ZNF518A: variants seen among roughly 807,000 people sequenced by gnomAD.
ZNF518A encodes the protein zinc finger protein 518A, also known as zinc finger protein 518.
A neutral mutation model predicts 102.7 loss-of-function variants in ZNF518A; 47 were observed. The observed-to-expected ratio is 0.46, with a 90% CI of 0.36 to 0.58. The LOEUF (loss-of-function observed/expected upper bound fraction) is 0.58, where lower values mean the gene tolerates loss of function less well. Ranked by LOEUF, ZNF518A falls within the 20% of genes least tolerant of loss-of-function variation. The pLI, the probability that ZNF518A is intolerant of heterozygous loss-of-function variation, is 0.00. For missense variants in ZNF518A, 1,793 were observed against 1,699.8 expected, an observed-to-expected ratio of 1.05 and a Z score of -0.96; for synonymous variants, 652 against 594.6, an observed-to-expected ratio of 1.10 and a Z score of -1.40.
rs782161061 is a variant in ZNF518A at position 96,156,416 on chromosome 10, G to C, written c.94G>C (p.Ala32Pro). Residue 32 changes from alanine to proline, a missense_variant, in exon 6 of 6, where the codon GCA becomes CCA. By Grantham distance (27) the Ala-to-Pro change is conservative (BLOSUM62 -1). Around this residue, in one of 3 missense-constraint regions of ZNF518A, gnomAD observed 1,741 missense variants for 1,622.6 expected, o/e 1.07. Transcript: ENST00000316045. ...DVKNEIVDRS[A>P]PKPKISGSIH... The stretch of plus-strand genomic sequence containing the variant: ...GAAAAATGAGATAGTTGATAGGTCG[G>C]CACCTAAACCAAAAATTTCAGGAAG... 3 of 1,612,406 alleles carry C rather than the reference G, an allele frequency of 1.9e-6. No individual in the cohort carries two copies. Among genetic ancestry groups the C allele is most frequent in the Middle Eastern group, 1.7e-4 (1 of 6,054 alleles).
At chr10:96,137,225 G>A (rs587608533) in intron 3 of ZNF518A, among the ~76,000 whole-genome samples, 127 of 150,150 alleles carry the variant, frequency 8.5e-4, no homozygotes, top group Non-Finnish European at 1.5e-3. Flanking sequence ...TAACCTGAAG[G>A]ACTTCACTGC....
At position 96,159,830 on chromosome 10, in the gene ZNF518A, C is replaced by G. The variant is rs2082912081; in HGVS notation, c.3508C>G (p.Gln1170Glu). The G allele has an allele frequency of 6.2e-7, 1 of 1,613,298 alleles. No homozygotes were observed. Among genetic ancestry groups the G allele is most frequent in the African/African-American group, 1.3e-5 (1 of 74,980 alleles). Residue 1170 changes from glutamine to glutamate, a missense_variant, in exon 6 of 6, where the codon CAA becomes GAA. This residue lies in a region of ZNF518A where 1,741 missense variants were observed against 1,622.6 expected (regional missense o/e 1.07). Transcript: ENST00000316045. ...AGTAAGCAACTCTGCATCCTCATTGCAAAAAGACAACGTACCATCTAATCA... is the reference window on the plus strand; with the variant it reads ...AGTAAGCAACTCTGCATCCTCATTGGAAAAAGACAACGTACCATCTAATCA... ...LSVSNSASSL[Q>E]KDNVPSNQII...
intron 1 of ZNF518A, 107 bp downstream of exon 1, chr10:96,130,859 C>T (rs1322820855): frequency 6.6e-6 from 1 of 152,214 alleles, no homozygotes; most frequent in Non-Finnish European, 1.5e-5. Context: ...TACATGGTGT[C>T]CTCTTTGTCA....
At chr10:96,199,407 C>A in intron 1 of ZNF518A, 1 of 372,522 alleles carries the variant, frequency 2.7e-6, no homozygotes, top group Non-Finnish European at 5.5e-6. Context: ...TAATCCTGCA[C>A]ATTGATCCAA....
downstream of ZNF518A, among the ~76,000 whole-genome samples, chr10:96,166,968 A>C (rs2083145235): frequency 6.6e-6 from 1 of 152,204 alleles, no homozygotes; most frequent in African/African-American, 2.4e-5. Context: ...GCCATACATT[A>C]ATTAGTCAAG....
intron 3 of ZNF518A, chr10:96,151,415 G>C (rs2082445645): frequency 6.6e-6 from 1 of 152,292 alleles, no homozygotes; most frequent in Non-Finnish European, 1.5e-5. Context: ...TCTCCTAACA[G>C]TTGGTGCTAG....
At chr10:96,176,250 G>C (rs1554891473) in intron 1 of ZNF518A, among the ~76,000 whole-genome samples, 1 of 151,986 alleles carries the variant, frequency 6.6e-6, no homozygotes, top group East Asian at 1.9e-4. Flanking sequence ...CTTGAAGGGA[G>C]ATCCAAGCTG....
chr10:96,158,045 A>C lies in ZNF518A; in HGVS notation c.1723A>C (p.Asn575His), dbSNP rs782157240. 1.9e-6 allele frequency: 3 copies of C among 1,613,784 alleles called. No individual in the cohort carries two copies. In the South Asian group the frequency reaches 3.3e-5, roughly 18 times the overall value. Residue 575 changes from asparagine (N) to histidine (H), a missense_variant, in exon 6 of 6, where the codon AAT (asparagine) becomes CAT (histidine). Asn to His is a moderately conservative substitution (Grantham distance 68). Transcript: ENST00000316045. ...NLTTKFETRD[N>H]VDFWGNHLTQ... Reference sequence around the variant, plus strand: ...GACCACAAAATTTGAAACAAGAGATAATGTTGACTTCTGGGGAAATCATCT... The same window carrying C: ...GACCACAAAATTTGAAACAAGAGATCATGTTGACTTCTGGGGAAATCATCT...
Position 96,180,347 on chromosome 10 carries a change from CT to C in ZNF518A, n.36-23217del, listed in dbSNP as rs113344263. On this transcript the variant is annotated intron_variant and non_coding_transcript_variant, in intron 1 of 2. Transcript: ENST00000442635. ...CCTTGAGCTTTCACAATTTTTTCATCTTTTTTTTTTATATATACTTTAAGTT... is the reference window on the plus strand; with the variant it reads ...CCTTGAGCTTTCACAATTTTTTCATCTTTTTTTTTATATATACTTTAAGTT... Among the ~76,000 whole-genome samples, 934 of 148,042 alleles carry C rather than the reference CT, an allele frequency of 6.3e-3. 6 individuals are homozygous for C. Among genetic ancestry groups the C allele is most frequent in the African/African-American group, 0.021 (833 of 40,568 alleles).
chr10:96,191,432 T>C (rs1206692685), intron 1 of ZNF518A, among the ~76,000 whole-genome samples: 9 of 152,012 alleles, frequency 5.9e-5, no homozygotes, highest in African/African-American at 2.2e-4. Context: ...AAAGTTCATA[T>C]CCATATATAT....
chr10:96,130,148 C>A (rs587760162), upstream of ZNF518A: 2 of 152,890 alleles, frequency 1.3e-5, no homozygotes, highest in East Asian at 3.9e-4. Flanking sequence ...CTGCCCAGAC[C>A]TTTTAGGATG....
chr10:96,132,398 G>A (rs2081383896), intron 1 of ZNF518A, among the ~76,000 whole-genome samples, 188 bp from the exon 2 acceptor site: 2 of 150,886 alleles, frequency 1.3e-5, no homozygotes, highest in South Asian at 4.2e-4. Flanking sequence ...TAAGCTTTAG[G>A]TTGTGACTTT....
chr10:96,154,892 T>C (rs2082626054), intron 3 of ZNF518A, among the ~76,000 whole-genome samples: 1 of 152,192 alleles, frequency 6.6e-6, no homozygotes, highest in South Asian at 2.1e-4. Flanking sequence ...AATTCAACTT[T>C]TAATGATTCC....
At position 96,130,330 on chromosome 10, in the gene ZNF518A, G is replaced by A. The variant is rs1253604054; in HGVS notation, c.-875G>A. ...GCAAAGTTTTTCTGGAGAAGTCGGG[G>A]TTTTTTTGCCGAGCGCTTTTGCCGA... On this transcript the variant is annotated 5_prime_UTR_variant, in exon 1 of 6. Transcript: ENST00000316045. Among the ~76,000 whole-genome samples, 1 of 152,194 alleles carries A rather than the reference G, an allele frequency of 6.6e-6. No homozygotes were observed. The highest frequency in any genetic ancestry group is 1.5e-5 in the Non-Finnish European group (1 of 68,026).
In ZNF518A at chr10:96,160,798, G is replaced by T. The variant is rs372568470; in HGVS notation, c.*24G>T. On this transcript the variant is annotated 3_prime_UTR_variant, in exon 6 of 6. Transcript: ENST00000316045. ...AGTTTACCATAATTACCAAGGAAAA[G>T]AAAAGTAAAATTACCTTAGAAGAAA... is the stretch of plus-strand genomic sequence containing the variant. 572 of 1,500,818 alleles carry T rather than the reference G, an allele frequency of 3.8e-4. 1 individual carries two copies. The highest frequency in any genetic ancestry group is 4.5e-4 in the Non-Finnish European group (509 of 1,129,460). 93.0% of individuals were successfully genotyped at this position (1,500,818 alleles called of 1,614,324 possible).
Position 96,157,311 on chromosome 10 carries a change from G to C in ZNF518A, c.989G>C (p.Arg330Pro). The change falls in exon 6 of 6, where the codon CGT becomes CCT. Residue 330 changes from arginine (R) to proline (P), a missense_variant. By Grantham distance (103) the Arg-to-Pro change is moderately radical. Coordinates refer to ENST00000316045, the MANE Select transcript of ZNF518A (RefSeq NM_001330736.2). ...IGASRKTFWK[R>P]KKINSGSDRS... ...GCATCAAGGAAGACGTTCTGGAAACGTAAGAAAATTAACAGTGGAAGTGAC... is the reference window on the plus strand; with the variant it reads ...GCATCAAGGAAGACGTTCTGGAAACCTAAGAAAATTAACAGTGGAAGTGAC... The C allele has an allele frequency of 1.2e-6, 2 of 1,611,758 alleles. No homozygotes were observed. The highest frequency in any genetic ancestry group is 1.7e-6 in the Non-Finnish European group (2 of 1,178,822).
intron 5 of ZNF518A, 49 bp downstream of exon 5, chr10:96,156,096 T>C (rs1282673993): frequency 6.6e-6 from 2 of 301,764 alleles, no homozygotes; most frequent in African/African-American, 2.2e-5. Flanking sequence ...ATTTAATTTA[T>C]GTTTTTGATT....
At chr10:96,181,068 T>C (rs1554891986) in intron 1 of ZNF518A, among the ~76,000 whole-genome samples, 1 of 152,226 alleles carries the variant, frequency 6.6e-6, no homozygotes, top group Non-Finnish European at 1.5e-5. Context: ...CTCATTGTGG[T>C]TTTGATTTGC....
intron 3 of ZNF518A, among the ~76,000 whole-genome samples, chr10:96,148,452 T>A (rs1477732168): frequency 1.3e-5 from 2 of 151,968 alleles, no homozygotes; most frequent in Non-Finnish European, 2.9e-5. Flanking sequence ...AAAAAAAAAA[T>A]GTTTTGTCTT....
Sources: gnomAD v4.1 joint callset for allele counts (sites outside exome capture counted in the v4.1 genomes callset) on GRCh38, gnomAD v4.1.1 for gene constraint, gnomAD v4.1.1 regional missense constraint, MANE v1.5 for transcripts, NCBI Gene and HGNC (gene_info 2026-07-23, HGNC 2026-07-21) for gene names.